AUTS2: variants seen among roughly 807,000 people sequenced by gnomAD.
AUTS2 encodes the protein activator of transcription and developmental regulator AUTS2.
AUTS2 carries 17 observed loss-of-function variants against 112.4 expected under a neutral mutation model. The ratio of observed to expected loss-of-function variants is 0.15; its 90% CI spans 0.10 to 0.23. The LOEUF is 0.23. AUTS2 is among the 10% of genes least tolerant of loss of function. The pLI is 1.00. For missense variants in AUTS2, 1,510 were observed against 1,701.6 expected (o/e 0.89, Z 1.98); for synonymous variants, 751 against 702.7 (o/e 1.07, Z -1.09).
intron 1 of AUTS2, among the ~76,000 whole-genome samples, chr7:69,777,190 G>T (rs1788933150): frequency 6.6e-6 from 1 of 152,144 alleles, no homozygotes; most frequent in African/African-American, 2.4e-5. Context: ...ACTGGAGAAG[G>T]CTGCCAGTAT....
At chr7:70,047,341 G>A (rs565093667) in intron 2 of AUTS2, among the ~76,000 whole-genome samples, 10 of 152,218 alleles carry the variant, frequency 6.6e-5, no homozygotes, top group South Asian at 2.1e-4. Flanking sequence ...TAACCCTCAC[G>A]GAGCTCACAG....
chr7:69,978,894 A>ACACACG (rs1554418148), intron 2 of AUTS2, among the ~76,000 whole-genome samples: 17 of 137,198 alleles, frequency 1.2e-4, no homozygotes, highest in Admixed American at 6.6e-4. Context: ...ACACACACAC[A>ACACACG]CACACACGCA....
intron 4 of AUTS2, among the ~76,000 whole-genome samples, chr7:70,345,303 C>G (rs940889658): frequency 6.6e-6 from 1 of 152,204 alleles, no homozygotes; most frequent in Non-Finnish European, 1.5e-5. Flanking sequence ...GCCATAACTT[C>G]CTATGACAGA....
intron 2 of AUTS2, among the ~76,000 whole-genome samples, chr7:70,053,926 T>C (rs1801876081): frequency 6.6e-6 from 1 of 152,210 alleles, no homozygotes; most frequent in Non-Finnish European, 1.5e-5. Flanking sequence ...GCTTTTGTGA[T>C]ATGATTATAT....
At chr7:70,407,793 G>A (rs893859399) in intron 4 of AUTS2, among the ~76,000 whole-genome samples, 7 of 152,042 alleles carry the variant, frequency 4.6e-5, no homozygotes, top group African/African-American at 1.4e-4. Context: ...GATGGCTCAT[G>A]CCTGTAATCC....
At chr7:70,226,130 T>C (rs987810253) in intron 4 of AUTS2, among the ~76,000 whole-genome samples, 3 of 152,316 alleles carry the variant, frequency 2.0e-5, no homozygotes, top group East Asian at 3.9e-4. Context: ...ATTCTGTTGC[T>C]TGTATGATTA....
At chr7:70,663,581 C>T (rs1489051978) in intron 5 of AUTS2, among the ~76,000 whole-genome samples, 1 of 151,650 alleles carries the variant, frequency 6.6e-6, no homozygotes, top group Admixed American at 6.6e-5. Flanking sequence ...GTGGCTTTGC[C>T]ATCTCGTAAG....
intron 2 of AUTS2, among the ~76,000 whole-genome samples, chr7:69,972,517 A>T (rs1356233728): frequency 6.6e-6 from 1 of 151,508 alleles, no homozygotes; most frequent in Non-Finnish European, 1.5e-5. Context: ...AAGTCTTAAA[A>T]CTCTTTGCTT....
chr7:70,682,739 C>T (rs1282311216), intron 5 of AUTS2, among the ~76,000 whole-genome samples: 1 of 152,252 alleles, frequency 6.6e-6, no homozygotes, highest in Non-Finnish European at 1.5e-5. Flanking sequence ...CAGGGCTCTG[C>T]AGAGAAGCTT....
intron 2 of AUTS2, 133 bp downstream of exon 2, chr7:69,899,631 T>C (rs1395388339): frequency 1.4e-5 from 11 of 796,292 alleles, no homozygotes; most frequent in African/African-American, 3.5e-5. Flanking sequence ...CCAACAAAGC[T>C]GTGTGCGTGC....
At chr7:70,635,276 C>T (rs1306015442) in intron 5 of AUTS2, among the ~76,000 whole-genome samples, 1 of 152,182 alleles carries the variant, frequency 6.6e-6, no homozygotes, top group East Asian at 1.9e-4. Context: ...ATGTGCCTCT[C>T]CTGTGTGTCC....
At chr7:69,926,710 C>T (rs2129543466) in intron 2 of AUTS2, among the ~76,000 whole-genome samples, 1 of 149,228 alleles carries the variant, frequency 6.7e-6, no homozygotes, top group East Asian at 1.9e-4. Context: ...CCCATATTAG[C>T]TACAATTATT....
chr7:70,024,587 T>C (rs1800428705), intron 2 of AUTS2, among the ~76,000 whole-genome samples: 1 of 152,208 alleles, frequency 6.6e-6, no homozygotes, highest in Admixed American at 6.5e-5. Flanking sequence ...ATGTGTGTTT[T>C]TTTCTCTTTC....
chr7:70,785,031 A>C lies in AUTS2; in HGVS notation c.2224+12A>C, dbSNP rs766762823. On this transcript the variant is annotated intron_variant, in intron 16 of 18. Transcript: ENST00000342771. ...TGCTGCCCACCTAGGTGAGTCGCCC[A>C]AAATAATGGGAACTGAGATGTGTGC... 15 of 1,613,608 alleles carry C rather than the reference A, an allele frequency of 9.3e-6. 1 individual carries two copies. The South Asian group carries it at 1.3e-4, about 14-fold the overall frequency.
At chr7:69,665,345 G>A (rs963174024) in intron 1 of AUTS2, among the ~76,000 whole-genome samples, 2 of 152,146 alleles carry the variant, frequency 1.3e-5, no homozygotes, top group African/African-American at 4.8e-5. Flanking sequence ...CAGCATAAAT[G>A]ATGATAAAAC....
Position 70,790,107 on chromosome 7 carries a change from C to T in AUTS2, c.2891C>T (p.Pro964Leu), listed in dbSNP as rs146263446. Residue 964 changes from proline (P) to leucine (L), a missense_variant, in exon 19 of 19, where the codon CCG becomes CTG. Pro to Leu is a moderately conservative substitution (Grantham distance 98). Around this residue, in one of 3 missense-constraint regions of AUTS2, gnomAD observed 788 missense variants for 797.6 expected, o/e 0.99. Transcript: ENST00000342771. This position sits in a 1 kb window ranked among gnomAD's most constrained non-coding sequence, Gnocchi z 7.6. ...AGCACCTCGAGCCGGGAGGCCGAGC[C>T]GCGCAAGGGTGAGCCGGCCTACGAG... The part of the protein sequence containing the change: ...PNSTSSREAE[P>L]RKGEPAYENP... 1.3e-5 allele frequency: 21 copies of T among 1,594,298 alleles called. No individual in the cohort carries two copies. The highest frequency in any genetic ancestry group is 3.6e-5 in the Admixed American group (2 of 55,856).
chr7:69,944,095 T>A (rs1796721355), intron 2 of AUTS2, among the ~76,000 whole-genome samples: 1 of 152,326 alleles, frequency 6.6e-6, no homozygotes, highest in Middle Eastern at 3.4e-3. Flanking sequence ...AGTTAGTTAA[T>A]GGAAGTGCAA....
At chr7:70,073,542 G>T (rs866363360) in intron 2 of AUTS2, among the ~76,000 whole-genome samples, 1 of 151,442 alleles carries the variant, frequency 6.6e-6, no homozygotes. Context: ...GGATGGGTCA[G>T]CCTTGAGTAG....
chr7:70,347,125 C>T (rs1397311944), intron 4 of AUTS2, among the ~76,000 whole-genome samples: 1 of 152,186 alleles, frequency 6.6e-6, no homozygotes, highest in Non-Finnish European at 1.5e-5. Flanking sequence ...TCCGTTTACA[C>T]TGTCTCTTCT....
Sources: allele counts gnomAD v4.1 joint callset (sites outside exome capture counted in the v4.1 genomes callset), GRCh38; gene constraint gnomAD v4.1.1; regional missense constraint gnomAD v4.1.1; non-coding constraint Gnocchi (gnomAD v3.1); transcripts MANE v1.5; gene names NCBI Gene and HGNC (gene_info 2026-07-23, HGNC 2026-07-21).